The following PRKD1 variants were observed in gnomAD, a reference collection of about 807,000 sequenced individuals.
PRKD1 encodes the protein protein kinase D1.
A neutral mutation model predicts 95.9 loss-of-function variants in PRKD1; 63 were observed. The ratio of observed to expected loss-of-function variants is 0.66; its 90% CI spans 0.54 to 0.81. PRKD1 has a LOEUF of 0.81. PRKD1 is among the 30% of genes least tolerant of loss of function. PRKD1 has a pLI of 0.00. For missense variants in PRKD1, 1,048 were observed against 1,165.3 expected, an observed-to-expected ratio of 0.90 and a Z score of 1.47; for synonymous variants, 425 against 423.1, an observed-to-expected ratio of 1.00 and a Z score of -0.05.
intron 1 of PRKD1, among the ~76,000 whole-genome samples, chr14:29,902,880 T>C (rs1393511363): frequency 6.6e-6 from 1 of 152,104 alleles, no homozygotes; most frequent in African/African-American, 2.4e-5. Flanking sequence ...AAGCTAGACA[T>C]AACGACTGTT....
In PRKD1 at chr14:29,577,184, A is replaced by G; in HGVS notation, c.*54T>C. ...TTCTGCAAGGCAAATGTTAAACCTG[A>G]CCGTATGTATTTATTAGTTCCACAG... is the stretch of plus-strand genomic sequence containing the variant. On this transcript the variant is annotated 3_prime_UTR_variant, in exon 18 of 18. Transcript: ENST00000331968. The G allele has an allele frequency of 1.3e-6, 2 of 1,540,162 alleles. No homozygotes were observed. Among genetic ancestry groups the G allele is most frequent in the African/African-American group, 1.4e-5 (1 of 73,288 alleles).
At chr14:29,693,248 G>A (rs370569397) in intron 2 of PRKD1, among the ~76,000 whole-genome samples, 7 of 152,168 alleles carry the variant, frequency 4.6e-5, no homozygotes, top group Admixed American at 6.5e-5. Context: ...CTTCTAAGTC[G>A]GAAGTTTTGA....
intron 1 of PRKD1, among the ~76,000 whole-genome samples, chr14:29,894,370 A>T (rs1357905240): frequency 6.6e-6 from 1 of 152,222 alleles, no homozygotes; most frequent in African/African-American, 2.4e-5. Flanking sequence ...TCTAGATGCA[A>T]GGGGAAGTAT....
At chr14:29,833,628 CA>C (rs1161681802) in intron 1 of PRKD1, among the ~76,000 whole-genome samples, 9 of 152,108 alleles carry the variant, frequency 5.9e-5, no homozygotes, top group African/African-American at 2.2e-4. Context: ...CAGAATTGAA[CA>C]GCCTTTCCTT....
At chr14:29,607,243 T>G (rs887949935) in intron 13 of PRKD1, among the ~76,000 whole-genome samples, 28 of 152,174 alleles carry the variant, frequency 1.8e-4, no homozygotes, top group African/African-American at 6.5e-4. Context: ...CAACAGAGGC[T>G]CTATCAGATT....
chr14:29,734,028 C>CTTTTTTT lies in PRKD1; in HGVS notation c.265-8361_265-8355dup, dbSNP rs58908662. On this transcript the variant is annotated intron_variant, in intron 1 of 17. Transcript: ENST00000331968. The stretch of plus-strand genomic sequence containing the variant: ...CTGGTTTTGAGTCATACTTTCCTGC[C>CTTTTTTT]TTTTTTTTTTTTTTTTTTTTTTTTT... Among the ~76,000 whole-genome samples, 117 of 64,664 alleles carry CTTTTTTT rather than the reference C, an allele frequency of 1.8e-3. 14 individuals carry two copies. The highest frequency in any genetic ancestry group is 7.1e-3 in the African/African-American group (90 of 12,722). The allele number at this position is 64,664 out of a possible 152,430, so 42.4% of individuals were successfully genotyped here.
chr14:29,741,755 C>T (rs1202601273), intron 1 of PRKD1, among the ~76,000 whole-genome samples: 1 of 152,046 alleles, frequency 6.6e-6, no homozygotes, highest in East Asian at 1.9e-4. Flanking sequence ...CTAAGGTTTT[C>T]TTAACTTCCA....
intron 1 of PRKD1, among the ~76,000 whole-genome samples, chr14:29,908,885 C>A (rs1894592357): frequency 6.6e-6 from 1 of 152,188 alleles, no homozygotes; most frequent in Non-Finnish European, 1.5e-5. Flanking sequence ...CCTCAGCACC[C>A]ACTCTGGCCA....
chr14:29,783,901 T>C (rs925021640), intron 1 of PRKD1, among the ~76,000 whole-genome samples: 1 of 152,212 alleles, frequency 6.6e-6, no homozygotes. Context: ...GTTAGATGAA[T>C]AGTTAGTGAA....
chr14:29,915,161 AAT>A (rs1894850494), intron 1 of PRKD1, among the ~76,000 whole-genome samples: 1 of 152,230 alleles, frequency 6.6e-6, no homozygotes, highest in Non-Finnish European at 1.5e-5. Flanking sequence ...CACAATGATC[AAT>A]ATATGGTCTT....
chr14:29,804,449 G>A (rs1364141184), intron 1 of PRKD1, among the ~76,000 whole-genome samples: 1 of 152,058 alleles, frequency 6.6e-6, no homozygotes, highest in Non-Finnish European at 1.5e-5. Flanking sequence ...CATGTCCAAT[G>A]TCTTCTTTTT....
chr14:29,731,275 TTCC>T (rs1886422186), intron 1 of PRKD1, among the ~76,000 whole-genome samples: 1 of 152,180 alleles, frequency 6.6e-6, no homozygotes, highest in African/African-American at 2.4e-5. Flanking sequence ...ATGTTCTTAA[TTCC>T]TCATTTAATT....
chr14:29,857,762 CG>C (rs1892562208), intron 1 of PRKD1, among the ~76,000 whole-genome samples: 1 of 151,896 alleles, frequency 6.6e-6, no homozygotes, highest in African/African-American at 2.4e-5. Context: ...AAAAAGGCAG[CG>C]AGGGGAAACA....
chr14:29,891,693 G>T, intron 1 of PRKD1, among the ~76,000 whole-genome samples: 1 of 148,750 alleles, frequency 6.7e-6, no homozygotes. Flanking sequence ...TTTCTAGATT[G>T]TTTTGTTTGC....
chr14:29,595,674 A>C (rs1488777278), intron 16 of PRKD1, among the ~76,000 whole-genome samples: 1 of 152,202 alleles, frequency 6.6e-6, no homozygotes, highest in African/African-American at 2.4e-5. Flanking sequence ...ATAGCAAGTC[A>C]AATTTTCATG....
At chr14:29,859,749 A>C (rs1428049863) in intron 1 of PRKD1, among the ~76,000 whole-genome samples, 2 of 152,238 alleles carry the variant, frequency 1.3e-5, no homozygotes, top group Non-Finnish European at 2.9e-5. Flanking sequence ...AGAAAAGGAA[A>C]TTTATTAACT....
At chr14:29,641,877 A>T (rs1209088274) in intron 4 of PRKD1, among the ~76,000 whole-genome samples, 4 of 149,728 alleles carry the variant, frequency 2.7e-5, no homozygotes, top group Non-Finnish European at 5.9e-5. Flanking sequence ...TAATCCTGCC[A>T]TCATCCCTTT....
chr14:29,622,861 C>T (rs1406515347), intron 13 of PRKD1, among the ~76,000 whole-genome samples: 1 of 152,144 alleles, frequency 6.6e-6, no homozygotes, highest in Non-Finnish European at 1.5e-5. Context: ...CCATGTTAAC[C>T]ATGAAGCTCT....
At chr14:29,730,152 C>T (rs946128228) in intron 1 of PRKD1, among the ~76,000 whole-genome samples, 1 of 151,858 alleles carries the variant, frequency 6.6e-6, no homozygotes, top group African/African-American at 2.4e-5. Context: ...AAGAAATAGG[C>T]AAAGGATCTG....
Sources: gnomAD v4.1 joint callset for allele counts (sites outside exome capture counted in the v4.1 genomes callset) on GRCh38, gnomAD v4.1.1 for gene constraint, MANE v1.5 for transcripts, NCBI Gene and HGNC (gene_info 2026-07-23, HGNC 2026-07-21) for gene names.